ATP8B4: variants seen among roughly 807,000 people sequenced by gnomAD.
The protein encoded by ATP8B4 is probable phospholipid-transporting ATPase IM.
Under a neutral mutation model 145.6 loss-of-function variants are expected in ATP8B4, and 133 were observed. The ratio of observed to expected loss-of-function variants is 0.91; its 90% CI spans 0.79 to 1.05. The LOEUF (loss-of-function observed/expected upper bound fraction) is 1.05. Among genes scored for constraint, ATP8B4 ranks in the 50% least tolerant of loss-of-function variants. The probability of loss-of-function intolerance (pLI) is 0.00; values close to 1 mark genes in which losing one functional copy is unlikely to be tolerated. For missense variants in ATP8B4, 1,458 were observed against 1,425.2 expected (o/e 1.02, Z -0.37); for synonymous variants, 507 against 492.9 (o/e 1.03, Z -0.38).
At chr15:49,861,831 T>G (rs1354779416) in intron 27 of ATP8B4, among the ~76,000 whole-genome samples, 5 of 152,252 alleles carry the variant, frequency 3.3e-5, no homozygotes, top group African/African-American at 4.8e-5. Flanking sequence ...ACTGGATTTC[T>G]ACAAAAATGT....
At chr15:49,966,600 G>A (rs1009536704) in intron 13 of ATP8B4, among the ~76,000 whole-genome samples, 6 of 152,212 alleles carry the variant, frequency 3.9e-5, no homozygotes, top group Non-Finnish European at 5.9e-5. Flanking sequence ...ATCTCTGAAA[G>A]AAAGGCAGCG....
chr15:49,931,442 T>C (rs985476904), intron 15 of ATP8B4, 135 bp from the exon 16 acceptor site: 1 of 811,518 alleles, frequency 1.2e-6, no homozygotes, highest in Non-Finnish European at 1.9e-6. Flanking sequence ...CCTCAGATCT[T>C]TTCTACTCAC....
chr15:50,002,099 T>G, intron 8 of ATP8B4, 54 bp downstream of exon 8: 1 of 1,414,786 alleles, frequency 7.1e-7, no homozygotes, highest in Non-Finnish European at 9.8e-7. Flanking sequence ...TCTAAAGACA[T>G]TACTTTTAAA....
intron 6 of ATP8B4, among the ~76,000 whole-genome samples, chr15:50,020,043 G>A (rs1426615346): frequency 6.6e-6 from 1 of 151,696 alleles, no homozygotes; most frequent in African/African-American, 2.4e-5. Flanking sequence ...CTGCAGCCTT[G>A]AATTTCCAGG....
intron 2 of ATP8B4, among the ~76,000 whole-genome samples, chr15:50,079,704 C>T (rs190874677): frequency 1.3e-3 from 198 of 152,310 alleles, no homozygotes; most frequent in Non-Finnish European, 1.1e-3. Context: ...GGTCTCTGTA[C>T]TCATTCTCTG....
chr15:49,943,343 A>C (rs568921694), intron 14 of ATP8B4, among the ~76,000 whole-genome samples: 21 of 152,140 alleles, frequency 1.4e-4, no homozygotes, highest in African/African-American at 4.8e-4. Flanking sequence ...ACTCTAGAGA[A>C]GGAAATGGAG....
intron 6 of ATP8B4, among the ~76,000 whole-genome samples, chr15:50,033,327 G>A (rs904430108): frequency 1.3e-5 from 2 of 152,172 alleles, no homozygotes; most frequent in Non-Finnish European, 1.5e-5. Flanking sequence ...GAAATATCCC[G>A]ACTAAATGAA....
Position 49,973,115 on chromosome 15 carries a change from C to T in ATP8B4, c.1035-325G>A, listed in dbSNP as rs186094683. On this transcript the variant is annotated intron_variant, in intron 12 of 27. Transcript: ENST00000284509. ...ATTTTGTGTCTCCTCCTATAAGATA[C>T]GGCAGTGGTCCCCAACCTTTTGGTC... Among the ~76,000 whole-genome samples, 47 of 152,282 alleles carry T rather than the reference C, an allele frequency of 3.1e-4. No individual in the cohort carries two copies. In the East Asian group the frequency reaches 7.9e-3, roughly 26 times the overall value.
At chr15:50,068,816 ACCAGTGCTTT>A (rs576807537) in intron 3 of ATP8B4, among the ~76,000 whole-genome samples, 113 of 152,282 alleles carry the variant, frequency 7.4e-4, no homozygotes, top group African/African-American at 2.6e-3. Flanking sequence ...ACCAACGAGA[ACCAGTGCTTT>A]CCATCATCAT....
At chr15:50,129,646 A>G (rs1487540329) in intron 1 of ATP8B4, among the ~76,000 whole-genome samples, 2 of 152,202 alleles carry the variant, frequency 1.3e-5, no homozygotes, top group Non-Finnish European at 2.9e-5. Context: ...CCAGGTAGAC[A>G]TGAATTTTGG....
intron 6 of ATP8B4, among the ~76,000 whole-genome samples, chr15:50,017,838 T>G (rs1480958925): frequency 1.3e-5 from 2 of 152,248 alleles, no homozygotes; most frequent in African/African-American, 4.8e-5. Flanking sequence ...ATCACTGGAA[T>G]ATCAGGAGTT....
intron 1 of ATP8B4, among the ~76,000 whole-genome samples, chr15:50,172,923 G>A (rs1201106421): frequency 6.6e-6 from 1 of 150,872 alleles, no homozygotes; most frequent in East Asian, 1.9e-4. Flanking sequence ...CCCCGTCCGG[G>A]AAGTGAGGAG....
chr15:50,023,916 T>C (rs1250859372), intron 6 of ATP8B4, among the ~76,000 whole-genome samples: 1 of 151,956 alleles, frequency 6.6e-6, no homozygotes, highest in Non-Finnish European at 1.5e-5. Flanking sequence ...TGAGAAGTGA[T>C]ACTCTAGTAC....
chr15:50,042,738 T>G (rs1006053781), intron 5 of ATP8B4, among the ~76,000 whole-genome samples: 3 of 152,142 alleles, frequency 2.0e-5, no homozygotes, highest in Admixed American at 2.0e-4. Flanking sequence ...GTGTGGTGAG[T>G]AAGTGCCAGT....
At chr15:49,872,628 G>GA (rs1301515913) in intron 25 of ATP8B4, among the ~76,000 whole-genome samples, 4 of 152,044 alleles carry the variant, frequency 2.6e-5, no homozygotes, top group Non-Finnish European at 5.9e-5. Flanking sequence ...CTATTTCTAA[G>GA]AAAAAACATC....
chr15:49,882,242 G>A (rs538657416), intron 23 of ATP8B4, among the ~76,000 whole-genome samples: 1 of 152,126 alleles, frequency 6.6e-6, no homozygotes, highest in Admixed American at 6.5e-5. Flanking sequence ...AGAGCAGTGC[G>A]ACCCCACAGG....
chr15:49,951,008 G>A (rs966369502), intron 14 of ATP8B4, among the ~76,000 whole-genome samples: 1 of 152,154 alleles, frequency 6.6e-6, no homozygotes, highest in African/African-American at 2.4e-5. Context: ...GTGTCATTTT[G>A]AGTGAGTTTC....
In ATP8B4 at chr15:50,129,722, T is replaced by C. The variant is rs536839989; in HGVS notation, c.-42-22714A>G. On this transcript the variant is annotated intron_variant, in intron 1 of 3. Transcript: ENST00000558829. ...TAATTAATGGCCAGTATTGAAATTA[T>C]GTGGTAGACTAGGTCAAGAGATCGA... Among the ~76,000 whole-genome samples the C allele has an allele frequency of 1.2e-3, 183 of 151,990 alleles. 1 individual carries two copies. Among genetic ancestry groups the C allele is most frequent in the African/African-American group, 4.3e-3 (179 of 41,478 alleles).
At chr15:50,172,164 C>G (rs1219874737) in intron 1 of ATP8B4, among the ~76,000 whole-genome samples, 2 of 152,256 alleles carry the variant, frequency 1.3e-5, no homozygotes, top group Non-Finnish European at 2.9e-5. Context: ...CTCCCGCTCC[C>G]TCTTTGCACA....
Sources: allele counts gnomAD v4.1 joint callset (sites outside exome capture counted in the v4.1 genomes callset), GRCh38; gene constraint gnomAD v4.1.1; transcripts MANE v1.5; gene names NCBI Gene and HGNC (gene_info 2026-07-23, HGNC 2026-07-21).